DIAPH3: variants seen among roughly 807,000 people sequenced by gnomAD.
The protein encoded by DIAPH3 is protein diaphanous homolog 3.
In DIAPH3, 117 loss-of-function variants were observed where a neutral mutation model predicts 144.3. That is an observed-to-expected ratio of 0.81 (90% CI 0.70 to 0.95). The LOEUF (loss-of-function observed/expected upper bound fraction) is 0.95, where lower values mean the gene tolerates loss of function less well. Among genes scored for constraint, DIAPH3 ranks in the 40% least tolerant of loss-of-function variants. The pLI is 0.00. For missense variants in DIAPH3, 1,421 were observed against 1,412.7 expected, an observed-to-expected ratio of 1.01 and a Z score of -0.09; for synonymous variants, 519 against 488.9, an observed-to-expected ratio of 1.06 and a Z score of -0.81.
At chr13:60,025,040 T>A (rs962986551) in intron 5 of DIAPH3, among the ~76,000 whole-genome samples, 2 of 152,142 alleles carry the variant, frequency 1.3e-5, no homozygotes, top group African/African-American at 2.4e-5. Context: ...ATTAATGCCA[T>A]CTGTGGGTAG....
At chr13:59,921,738 C>G (rs2047529778) in intron 18 of DIAPH3, among the ~76,000 whole-genome samples, 1 of 152,004 alleles carries the variant, frequency 6.6e-6, no homozygotes, top group Non-Finnish European at 1.5e-5. Flanking sequence ...CTCCACAAGG[C>G]TGGCATTCCC....
At chr13:59,840,061 G>C (rs1384125834) in intron 22 of DIAPH3, among the ~76,000 whole-genome samples, 1 of 152,056 alleles carries the variant, frequency 6.6e-6, no homozygotes, top group Non-Finnish European at 1.5e-5. Context: ...GGTAAACCAG[G>C]GCACTGTGTC....
At chr13:60,032,401 A>G (rs2054870776) in intron 5 of DIAPH3, among the ~76,000 whole-genome samples, 1 of 152,200 alleles carries the variant, frequency 6.6e-6, no homozygotes, top group Non-Finnish European at 1.5e-5. Context: ...TTCTACCTGG[A>G]CACCCAGGCT....
intron 8 of DIAPH3, among the ~76,000 whole-genome samples, chr13:60,010,126 C>G (rs1011001888): frequency 6.6e-6 from 1 of 151,920 alleles, no homozygotes; most frequent in Non-Finnish European, 1.5e-5. Context: ...TATAGATTTC[C>G]AAATCGTAAT....
chr13:59,949,882 C>G (rs1184249022), intron 17 of DIAPH3, among the ~76,000 whole-genome samples: 1 of 152,102 alleles, frequency 6.6e-6, no homozygotes, highest in Non-Finnish European at 1.5e-5. Flanking sequence ...CAAAATCTAC[C>G]AGCTAATGAT....
intron 8 of DIAPH3, 83 bp downstream of exon 8, chr13:60,010,450 C>T (rs2053164539): frequency 7.4e-7 from 1 of 1,351,870 alleles, no homozygotes; most frequent in Non-Finnish European, 1.0e-6. Context: ...TAAATTCTAG[C>T]CTAGAGTAGA....
chr13:59,868,382 C>T (rs923452283), intron 21 of DIAPH3, among the ~76,000 whole-genome samples: 1 of 151,980 alleles, frequency 6.6e-6, no homozygotes, highest in African/African-American at 2.4e-5. Context: ...GGTTTTTTAA[C>T]CCTTATTAAT....
At chr13:59,952,950 T>C (rs2049176383) in intron 17 of DIAPH3, among the ~76,000 whole-genome samples, 2 of 152,142 alleles carry the variant, frequency 1.3e-5, no homozygotes, top group Admixed American at 1.3e-4. Context: ...TAAAGGAGCT[T>C]AAATTCCAGT....
rs770872230 is a variant in DIAPH3 at position 59,992,498 on chromosome 13, C to T, written c.1100G>A (p.Arg367His). The change falls in exon 10 of 28, where the codon CGT (arginine) becomes CAT (histidine). Residue 367 changes from arginine (R) to histidine (H), a missense_variant. By Grantham distance (29) the Arg-to-His change is conservative. Transcript: ENST00000400324. ...TGGCAATATCTCTTTCAATCCACAA[C>T]GCATAAATTCATTTCTGATGTGAAG... ...FRLHIRNEFM[R>H]CGLKEILPNL... 2.9e-5 allele frequency: 46 copies of T among 1,611,784 alleles called. No individual in the cohort carries two copies. Among genetic ancestry groups the T allele is most frequent in the South Asian group, 4.4e-5 (4 of 91,016 alleles).
intron 27 of DIAPH3, among the ~76,000 whole-genome samples, chr13:59,718,764 T>C (rs2035191711): frequency 6.6e-6 from 1 of 152,200 alleles, no homozygotes; most frequent in Non-Finnish European, 1.5e-5. Context: ...TAAATCCTTT[T>C]GGTAGGCTGT....
At chr13:59,915,312 C>G (rs1342798718) in intron 19 of DIAPH3, among the ~76,000 whole-genome samples, 5 of 152,034 alleles carry the variant, frequency 3.3e-5, no homozygotes, top group Admixed American at 3.3e-4. Context: ...TATATGACCA[C>G]TACATTTAGA....
chr13:60,042,862 G>T, intron 4 of DIAPH3, 42 bp from the exon 5 acceptor site: 2 of 1,604,864 alleles, frequency 1.2e-6, no homozygotes. Context: ...ATACTGCATG[G>T]AGATTACCCA....
intron 18 of DIAPH3, among the ~76,000 whole-genome samples, chr13:59,923,029 G>A (rs2047590285): frequency 6.6e-6 from 1 of 152,010 alleles, no homozygotes; most frequent in African/African-American, 2.4e-5. Context: ...AGATTAAAGG[G>A]CCAAATACAG....
rs143887952 is a variant in DIAPH3, at chr13:59,976,909, C to T, written c.1546-2453G>A. 3.5e-3 allele frequency among the ~76,000 whole-genome samples: 536 copies of T among 151,860 alleles called. 4 individuals are homozygous for T. Among genetic ancestry groups the T allele is most frequent in the African/African-American group, 0.013 (520 of 41,486 alleles). ...TCAAAACCAAACATGTTTCCCCCTACAAGATTTGTTTTTTGAATGTTGCTA... is the reference window on the plus strand; with the variant it reads ...TCAAAACCAAACATGTTTCCCCCTATAAGATTTGTTTTTTGAATGTTGCTA... On this transcript the variant is annotated intron_variant, in intron 14 of 27. Transcript: ENST00000400324.
intron 5 of DIAPH3, among the ~76,000 whole-genome samples, chr13:60,031,712 C>T (rs2054806637): frequency 6.9e-6 from 1 of 145,102 alleles, no homozygotes; most frequent in Admixed American, 6.9e-5. Context: ...GTTTGAAACC[C>T]AGTAGGGCAG....
chr13:59,720,339 ATATT>A (rs1266463756), intron 27 of DIAPH3, among the ~76,000 whole-genome samples: 1 of 152,202 alleles, frequency 6.6e-6, no homozygotes, highest in Non-Finnish European at 1.5e-5. Context: ...TGAACCATAT[ATATT>A]TATTACTTAG....
intron 20 of DIAPH3, among the ~76,000 whole-genome samples, chr13:59,907,167 G>A (rs1371638230): frequency 6.6e-6 from 1 of 152,158 alleles, no homozygotes; most frequent in Non-Finnish European, 1.5e-5. Flanking sequence ...AGTAAAAGAG[G>A]AGGCTATTGC....
intron 4 of DIAPH3, among the ~76,000 whole-genome samples, chr13:60,058,994 C>G: frequency 6.6e-6 from 1 of 151,774 alleles, no homozygotes; most frequent in African/African-American, 2.4e-5. Flanking sequence ...AACCAAAAAC[C>G]ACTTGTACCC....
At chr13:59,726,362 T>C (rs1409995858) in intron 27 of DIAPH3, among the ~76,000 whole-genome samples, 4 of 152,198 alleles carry the variant, frequency 2.6e-5, no homozygotes, top group Non-Finnish European at 5.9e-5. Flanking sequence ...GTGAATGTGT[T>C]ATTCACAGAT....
Sources: allele counts gnomAD v4.1 joint callset (sites outside exome capture counted in the v4.1 genomes callset), GRCh38; gene constraint gnomAD v4.1.1; transcripts MANE v1.5; gene names NCBI Gene and HGNC (gene_info 2026-07-23, HGNC 2026-07-21).